KCNK10: variants seen among roughly 807,000 people sequenced by gnomAD.
KCNK10 encodes the protein potassium two pore domain channel subfamily K member 10.
KCNK10 carries 25 observed loss-of-function variants against 47.7 expected under a neutral mutation model. That is an observed-to-expected ratio of 0.52 (90% CI 0.38 to 0.73). The LOEUF (loss-of-function observed/expected upper bound fraction) is 0.73, where lower values mean the gene tolerates loss of function less well. Ranked by LOEUF, KCNK10 falls within the 30% of genes least tolerant of loss-of-function variation. The pLI, the probability that KCNK10 is intolerant of heterozygous loss-of-function variation, is 0.00. For missense variants in KCNK10, 563 were observed against 714.5 expected, an observed-to-expected ratio of 0.79 and a Z score of 2.42; for synonymous variants, 303 against 285.6, an observed-to-expected ratio of 1.06 and a Z score of -0.61.
At chr14:88,320,314 T>C (rs61977021) in intron 1 of KCNK10, among the ~76,000 whole-genome samples, 11,921 of 152,324 alleles carry the variant, frequency 0.078, 643 homozygotes, top group Non-Finnish European at 0.12. Flanking sequence ...AGGTGCTATT[T>C]GTATGCTTTT....
intron 1 of KCNK10, among the ~76,000 whole-genome samples, chr14:88,280,031 C>T (rs1887615017): frequency 6.6e-6 from 1 of 152,156 alleles, no homozygotes; most frequent in Admixed American, 6.5e-5. Flanking sequence ...TCCAATTAAA[C>T]CTCTCCTTCC....
At position 88,304,423 on chromosome 14, in the gene KCNK10, A is replaced by G. The variant is rs532815506; in HGVS notation, c.52+18324T>C. ...ATTATTCACTGAATATATATTTGCA[A>G]ATTCTTCTACGTGTTAAAATTTATT... is the stretch of plus-strand genomic sequence containing the variant. On this transcript the variant is annotated intron_variant, in intron 1 of 6. Transcript: ENST00000319231. 9.2e-5 allele frequency among the ~76,000 whole-genome samples: 14 copies of G among 152,348 alleles called. 1 individual carries two copies. In the South Asian group the frequency reaches 2.9e-3, roughly 32 times the overall value.
intron 2 of KCNK10, among the ~76,000 whole-genome samples, chr14:88,252,143 G>C (rs1271221894): frequency 6.6e-6 from 1 of 151,904 alleles, no homozygotes; most frequent in Non-Finnish European, 1.5e-5. Context: ...TCAAACTCCT[G>C]AGCTCAAGTG....
At chr14:88,202,448 G>A (rs1164971254) in intron 4 of KCNK10, among the ~76,000 whole-genome samples, 2 of 152,202 alleles carry the variant, frequency 1.3e-5, no homozygotes, top group Admixed American at 1.3e-4. Context: ...CCTGCTATGA[G>A]GAGACAAGCA....
chr14:88,192,501 A>G, intron 4 of KCNK10, 91 bp from the exon 5 acceptor site: 1 of 1,092,964 alleles, frequency 9.1e-7, no homozygotes, highest in Non-Finnish European at 1.3e-6. Flanking sequence ...TGTGTCAGTG[A>G]CTTTTAACCT....
chr14:88,268,364 C>T (rs2139760071), intron 1 of KCNK10, among the ~76,000 whole-genome samples: 1 of 152,334 alleles, frequency 6.6e-6, no homozygotes, highest in Middle Eastern at 3.4e-3. Context: ...TGATCACCAA[C>T]ACCCACTCCA....
In KCNK10 at chr14:88,322,368, C is replaced by CA. The variant is rs1448355871; in HGVS notation, c.52+378dup. Among the ~76,000 whole-genome samples the CA allele has an allele frequency of 6.6e-6, 1 of 151,988 alleles. No individual in the cohort carries two copies. The highest frequency in any genetic ancestry group is 1.9e-4 in the East Asian group (1 of 5,168). ...GCTCCAGGTCCAGGGGGAAGCACCC[C>CA]ACCCATCTGCCAGAGAGACAAAGAT... On this transcript the variant is annotated intron_variant, in intron 1 of 6. Transcript: ENST00000319231. The surrounding 1 kb of genome is among the most constrained non-coding windows in gnomAD (Gnocchi z 4.8).
intron 4 of KCNK10, among the ~76,000 whole-genome samples, chr14:88,195,557 A>AT (rs1305758206): frequency 9.9e-5 from 15 of 152,250 alleles, no homozygotes; most frequent in African/African-American, 3.6e-4. Flanking sequence ...TTTCCTGGAT[A>AT]TATTGTATAC....
chr14:88,195,827 C>T (rs572615527), intron 4 of KCNK10, among the ~76,000 whole-genome samples: 1 of 152,272 alleles, frequency 6.6e-6, no homozygotes, highest in South Asian at 2.1e-4. Flanking sequence ...GAGGCACAAA[C>T]CTCACTCTCC....
At chr14:88,317,949 G>A (rs906583343) in intron 1 of KCNK10, among the ~76,000 whole-genome samples, 2 of 152,172 alleles carry the variant, frequency 1.3e-5, no homozygotes, top group African/African-American at 4.8e-5. Context: ...CACTCCAATA[G>A]CTAATATGAG....
At position 88,192,475 on chromosome 14, in the gene KCNK10, G is replaced by A. The variant is rs541834579; in HGVS notation, c.682-65C>T. 2.1e-5 allele frequency: 29 copies of A among 1,404,966 alleles called. No individual in the cohort carries two copies. In the East Asian group the frequency reaches 5.1e-4, roughly 25 times the overall value. The allele number at this position is 1,404,966 out of a possible 1,614,324, so 87.0% of individuals were successfully genotyped here. ...ATCACCCTGGATTCAGGATATAGATGCACAGAAAACGGTACTGTGTCAGTG... is the reference window on the plus strand; with the variant it reads ...ATCACCCTGGATTCAGGATATAGATACACAGAAAACGGTACTGTGTCAGTG... On this transcript the variant is annotated intron_variant, in intron 4 of 6. Coordinates refer to ENST00000319231, the MANE Select transcript of KCNK10 (RefSeq NM_138317.3).
intron 1 of KCNK10, among the ~76,000 whole-genome samples, chr14:88,297,382 C>A (rs1037932316): frequency 2.0e-5 from 3 of 152,196 alleles, no homozygotes; most frequent in Non-Finnish European, 4.4e-5. Flanking sequence ...AGTTTAGTGT[C>A]TACTTAATAG....
At chr14:88,197,572 TAAAAAAAAAAAA>T (rs71417717) in intron 4 of KCNK10, among the ~76,000 whole-genome samples, 99 of 17,142 alleles carry the variant, frequency 5.8e-3, no homozygotes, top group South Asian at 0.019. Context: ...AGACTCCGAC[TAAAAAAAAAAAA>T]AAAAAAAAAA....
At chr14:88,283,100 G>A (rs1887685318) in intron 1 of KCNK10, among the ~76,000 whole-genome samples, 1 of 152,116 alleles carries the variant, frequency 6.6e-6, no homozygotes, top group African/African-American at 2.4e-5. Context: ...AAACTCCACT[G>A]TCTACTAAAG....
chr14:88,188,977 A>T (rs558847115), intron 5 of KCNK10, among the ~76,000 whole-genome samples: 1 of 152,340 alleles, frequency 6.6e-6, no homozygotes, highest in African/African-American at 2.4e-5. Context: ...CCTGGAAATA[A>T]CGGACATCAG....
intron 4 of KCNK10, among the ~76,000 whole-genome samples, chr14:88,206,104 G>T (rs1885266992): frequency 6.6e-6 from 1 of 152,142 alleles, no homozygotes; most frequent in African/African-American, 2.4e-5. Context: ...TACATCAAGG[G>T]AAGAGGCTTA....
chr14:88,319,259 C>A (rs1451219797), intron 1 of KCNK10, among the ~76,000 whole-genome samples: 3 of 152,130 alleles, frequency 2.0e-5, no homozygotes, highest in Non-Finnish European at 4.4e-5. Flanking sequence ...ATTCTCAAAC[C>A]ACCTTCATTT....
At chr14:88,309,030 G>C (rs1321820897) in intron 1 of KCNK10, among the ~76,000 whole-genome samples, 1 of 152,136 alleles carries the variant, frequency 6.6e-6, no homozygotes, top group African/African-American at 2.4e-5. Context: ...GCTAAGCCTT[G>C]GCTAAACGGT....
chr14:88,304,572 C>T (rs987791631), intron 1 of KCNK10, among the ~76,000 whole-genome samples: 9 of 152,222 alleles, frequency 5.9e-5, no homozygotes, highest in Admixed American at 3.9e-4. Context: ...AACAAGGCAG[C>T]GCTCTGCCTT....
Sources: allele counts gnomAD v4.1 joint callset (sites outside exome capture counted in the v4.1 genomes callset), GRCh38; gene constraint gnomAD v4.1.1; non-coding constraint Gnocchi (gnomAD v3.1); transcripts MANE v1.5; gene names NCBI Gene and HGNC (gene_info 2026-07-23, HGNC 2026-07-21).